The following CD6 variants were observed in gnomAD, a reference collection of about 807,000 sequenced individuals.
CD6 encodes CD6 molecule.
In CD6, 53 loss-of-function variants were observed where a neutral mutation model predicts 75.3. The observed-to-expected ratio is 0.70, with a 90% confidence interval of 0.56 to 0.88. CD6 has a LOEUF of 0.88. CD6 is among the 40% of genes least tolerant of loss of function. The pLI is 0.00. For missense variants in CD6, 770 were observed against 897.1 expected, an observed-to-expected ratio of 0.86 and a Z score of 1.81; for synonymous variants, 359 against 381.5, an observed-to-expected ratio of 0.94 and a Z score of 0.69.
At chr11:60,998,074 C>T (rs1237392746) in intron 1 of CD6, among the ~76,000 whole-genome samples, 1 of 152,154 alleles carries the variant, frequency 6.6e-6, no homozygotes. Flanking sequence ...TCTATATTGA[C>T]AGCATACTGA....
intron 1 of CD6, among the ~76,000 whole-genome samples, chr11:60,973,143 A>G (rs11230540): frequency 0.071 from 10,803 of 152,164 alleles, 594 homozygotes; most frequent in African/African-American, 0.15. Context: ...ATTTTCCCCA[A>G]CCCAGGGCTT....
chr11:61,006,521 G>A, intron 1 of CD6, 53 bp from the exon 2 acceptor site: 1 of 1,452,142 alleles, frequency 6.9e-7, no homozygotes, highest in Non-Finnish European at 9.4e-7. Context: ...GTGTCTCTGT[G>A]GTCTCCAGGC....
chr11:61,019,965 G>A lies in CD6; in HGVS notation c.*647G>A. Reference sequence around the variant, plus strand: ...GTGTACCCCCAACCAAGGAGCTGGGGCCCAAGGCCAGTCCTGCCCCAGAGA... The same window carrying A: ...GTGTACCCCCAACCAAGGAGCTGGGACCCAAGGCCAGTCCTGCCCCAGAGA... On this transcript the variant is annotated 3_prime_UTR_variant, in exon 13 of 13. Coordinates refer to ENST00000313421, the MANE Select transcript of CD6 (RefSeq NM_006725.5). 2.5e-6 allele frequency: 1 copy of A among 395,926 alleles called. No individual in the cohort carries two copies. The highest frequency in any genetic ancestry group is 3.6e-5 in the East Asian group (1 of 27,950). 24.5% of individuals were successfully genotyped at this position (395,926 alleles called of 1,614,324 possible). A position where few individuals can be genotyped will look rare whatever the true frequency, so the allele number is the denominator to read the frequency against.
intron 1 of CD6, among the ~76,000 whole-genome samples, chr11:60,988,321 T>C (rs1396243729): frequency 1.3e-5 from 2 of 152,206 alleles, no homozygotes; most frequent in Non-Finnish European, 2.9e-5. Flanking sequence ...TGAATTTGAA[T>C]TCCTGAATCC....
intron 5 of CD6, 22 bp from the exon 6 acceptor site, chr11:61,011,048 A>G (rs1263576046): frequency 2.5e-6 from 4 of 1,612,814 alleles, no homozygotes; most frequent in South Asian, 2.2e-5. Flanking sequence ...GCATTGAGTG[A>G]CTGGGCGGTG....
At chr11:60,995,624 C>T (rs1167916536) in intron 1 of CD6, among the ~76,000 whole-genome samples, 6 of 152,060 alleles carry the variant, frequency 3.9e-5, no homozygotes, top group Non-Finnish European at 7.3e-5. Flanking sequence ...TCCAATTGGC[C>T]GATGCATCCT....
chr11:60,984,273 A>G (rs1050272464), intron 1 of CD6, among the ~76,000 whole-genome samples: 1 of 152,140 alleles, frequency 6.6e-6, no homozygotes, highest in African/African-American at 2.4e-5. Flanking sequence ...GTGATATTAT[A>G]ATTCCACCAT....
Position 61,008,838 on chromosome 11 carries a change from G to A in CD6, c.774G>A (p.Val258=). ...GCCACAAAGAGGACGCGGGCGCGGT[G>A]TGCTCAGGTCAGTGGGCGGAGTCAC... ...YCGHKEDAGA[V]CSEHQSWRLT... The change falls in exon 4 of 13, where the codon GTG becomes GTA. Residue 258 remains valine (V), a synonymous_variant. Coordinates refer to ENST00000313421, the MANE Select transcript of CD6 (RefSeq NM_006725.5). 6.5e-7 allele frequency: 1 copy of A among 1,542,214 alleles called. No homozygotes were observed. Among genetic ancestry groups the A allele is most frequent in the Non-Finnish European group, 8.8e-7 (1 of 1,141,604 alleles).
Position 61,015,608 on chromosome 11 carries a change from C to T in CD6, c.1388-105C>T, listed in dbSNP as rs2134496375. 7 of 1,353,782 alleles carry T rather than the reference C, an allele frequency of 5.2e-6. No individual in the cohort carries two copies. In the South Asian group the frequency reaches 7.7e-5, roughly 15 times the overall value. 83.9% of individuals were successfully genotyped at this position (1,353,782 alleles called of 1,614,324 possible). The stretch of plus-strand genomic sequence containing the variant: ...AAAAAAAAGGGGGCTACTTGGTGCT[C>T]CCCTGCTACTCTGCCTCTCACCTCT... On this transcript the variant is annotated intron_variant, in intron 8 of 12. Transcript: ENST00000313421.
chr11:61,018,548 G>A, intron 12 of CD6, 155 bp downstream of exon 12: 1 of 628,900 alleles, frequency 1.6e-6, no homozygotes. Context: ...ACAAAGCAAG[G>A]CCAGGCATGG....
At chr11:61,014,947 A>G (rs541367336) in intron 8 of CD6, among the ~76,000 whole-genome samples, 1 of 152,286 alleles carries the variant, frequency 6.6e-6, no homozygotes, top group South Asian at 2.1e-4. Flanking sequence ...ATGAAAAGAG[A>G]ATGTGAATAC....
chr11:60,982,811 G>A (rs1857629316), intron 1 of CD6: 2 of 447,082 alleles, frequency 4.5e-6, no homozygotes, highest in South Asian at 3.2e-5. Context: ...TCTTGGAGCA[G>A]GGCTGAGAAG....
intron 1 of CD6, among the ~76,000 whole-genome samples, chr11:60,980,699 G>A (rs955208526): frequency 6.6e-6 from 1 of 151,958 alleles, no homozygotes; most frequent in Non-Finnish European, 1.5e-5. Context: ...GGTGTGGTTC[G>A]GGGGATGGGG....
chr11:61,018,494 G>GAAAGGAAGGGGAAAAGGAA, intron 12 of CD6, 101 bp downstream of exon 12: 4 of 919,046 alleles, frequency 4.4e-6, no homozygotes, highest in South Asian at 1.6e-5. Context: ...GGGAAAAGGA[G>GAAAGGAAGGGGAAAAGGAA]AAAGGAAGGG....
At chr11:61,013,279 A>G in intron 6 of CD6, 144 bp from the exon 7 acceptor site, 3 of 915,296 alleles carry the variant, frequency 3.3e-6, no homozygotes, top group Non-Finnish European at 1.7e-6. Context: ...ACACACTTAA[A>G]AGCAATGAGA....
rs1408096572 is a variant in CD6, at chr11:60,994,637, A to G, written c.50-11937A>G. Among the ~76,000 whole-genome samples the G allele has an allele frequency of 3.3e-5, 5 of 152,012 alleles. 1 individual carries two copies. The highest frequency in any genetic ancestry group is 3.3e-4 in the Admixed American group (5 of 15,266). The stretch of plus-strand genomic sequence containing the variant: ...AAAACAAACCAAAATCCTGTAACAT[A>G]ATACCAAATAATACTCACTCTCTTT... On this transcript the variant is annotated intron_variant, in intron 1 of 12. Transcript: ENST00000313421.
At chr11:60,996,044 G>A (rs1011911013) in intron 1 of CD6, among the ~76,000 whole-genome samples, 1 of 152,170 alleles carries the variant, frequency 6.6e-6, no homozygotes, top group African/African-American at 2.4e-5. Flanking sequence ...CCGGGGGAGT[G>A]GTGTGGTTAC....
chr11:61,013,987 C>T lies in CD6; in HGVS notation c.1360C>T (p.Pro454Ser). Residue 454 changes from proline to serine, a missense_variant, in exon 8 of 13, where the codon CCG (proline) becomes TCG (serine). Coordinates refer to ENST00000313421, the MANE Select transcript of CD6 (RefSeq NM_006725.5). ...TIPAGSNSYQPVPITIPKEVF... is the reference protein window; with the variant it reads ...TIPAGSNSYQSVPITIPKEVF... The stretch of plus-strand genomic sequence containing the variant: ...CCCGGCAGGGAGCAATAGCTATCAA[C>T]CGGTCCCCATCACCATCCCCAAAGA... The T allele has an allele frequency of 6.2e-7, 1 of 1,613,704 alleles. No individual in the cohort carries two copies.
chr11:61,001,545 A>G (rs1235075561), intron 1 of CD6, among the ~76,000 whole-genome samples: 1 of 152,124 alleles, frequency 6.6e-6, no homozygotes, highest in Non-Finnish European at 1.5e-5. Flanking sequence ...TATTTTTAGT[A>G]TGCTTGTTTT....
Sources: gnomAD v4.1 joint callset for allele counts (sites outside exome capture counted in the v4.1 genomes callset) on GRCh38, gnomAD v4.1.1 for gene constraint, MANE v1.5 for transcripts, NCBI Gene and HGNC (gene_info 2026-07-23, HGNC 2026-07-21) for gene names.